NCKAP5: variants seen among roughly 807,000 people sequenced by gnomAD.
NCKAP5 encodes NCK associated protein 5, also known as nck-associated protein 5.
NCKAP5 carries 92 observed loss-of-function variants against 167.0 expected under a neutral mutation model. The observed-to-expected ratio is 0.55, with a 90% CI of 0.47 to 0.66. NCKAP5 has a LOEUF of 0.66. Among genes scored for constraint, NCKAP5 ranks in the 30% least tolerant of loss-of-function variants. The pLI is 0.00. For missense variants in NCKAP5, 2,378 were observed against 2,315.0 expected (o/e 1.03, Z -0.56); for synonymous variants, 891 against 877.4 (o/e 1.02, Z -0.27).
chr2:132,901,461 A>C (rs1693623698), intron 8 of NCKAP5, among the ~76,000 whole-genome samples: 1 of 152,200 alleles, frequency 6.6e-6, no homozygotes, highest in South Asian at 2.1e-4. Flanking sequence ...ACCCGAGGAG[A>C]CACTGCTCAC....
chr2:132,765,466 C>T (rs996790319), intron 16 of NCKAP5, among the ~76,000 whole-genome samples: 1 of 152,012 alleles, frequency 6.6e-6, no homozygotes, highest in Non-Finnish European at 1.5e-5. Flanking sequence ...AGGCGCGTGG[C>T]ACCACGCGCA....
chr2:133,611,675 G>A, the NCKAP5 span, among the ~76,000 whole-genome samples: 560 of 152,236 alleles, frequency 3.7e-3, 3 homozygotes, highest in African/African-American at 0.013. Context: ...AGGCTGGGTG[G>A]GGTGTGGCAA....
chr2:133,270,511 G>T (rs1040597340), intron 4 of NCKAP5, among the ~76,000 whole-genome samples: 1 of 152,070 alleles, frequency 6.6e-6, no homozygotes, highest in Non-Finnish European at 1.5e-5. Flanking sequence ...AGGTGAATAG[G>T]GTCTGGAGGC....
intron 8 of NCKAP5, among the ~76,000 whole-genome samples, chr2:132,955,026 T>C (rs1311746911): frequency 1.3e-5 from 2 of 152,220 alleles, no homozygotes; most frequent in Non-Finnish European, 2.9e-5. Flanking sequence ...ATGTCTGGTG[T>C]TACCTGTCAG....
chr2:133,307,212 T>C (rs1216661960), intron 3 of NCKAP5, among the ~76,000 whole-genome samples: 2 of 152,092 alleles, frequency 1.3e-5, no homozygotes, highest in Admixed American at 1.3e-4. Flanking sequence ...CATACAGTCC[T>C]GAGGAGGATA....
chr2:132,751,244 G>T (rs1297781123), intron 16 of NCKAP5, among the ~76,000 whole-genome samples: 1 of 151,906 alleles, frequency 6.6e-6, no homozygotes, highest in Non-Finnish European at 1.5e-5. Context: ...CCAAAAGCTG[G>T]TTGTTAAAAA....
At chr2:133,001,225 T>G (rs1035133829) in intron 6 of NCKAP5, among the ~76,000 whole-genome samples, 1 of 151,224 alleles carries the variant, frequency 6.6e-6, no homozygotes, top group Non-Finnish European at 1.5e-5. Context: ...CTTTTTTTTT[T>G]TTTTTTTTTG....
At chr2:133,371,292 T>A (rs1685790581) in intron 3 of NCKAP5, among the ~76,000 whole-genome samples, 1 of 152,080 alleles carries the variant, frequency 6.6e-6, no homozygotes, top group South Asian at 2.1e-4. Flanking sequence ...TAGAAAAGAA[T>A]CTCCATACTC....
chr2:133,335,404 C>T (rs144643248), intron 3 of NCKAP5, among the ~76,000 whole-genome samples: 1 of 152,224 alleles, frequency 6.6e-6, no homozygotes, highest in East Asian at 1.9e-4. Flanking sequence ...GCTGGGTGTA[C>T]CTTTTGCTTT....
chr2:132,703,982 T>G (rs1314419213), intron 19 of NCKAP5, among the ~76,000 whole-genome samples: 31 of 152,272 alleles, frequency 2.0e-4, no homozygotes, highest in Non-Finnish European at 7.4e-5. Flanking sequence ...AAGTCACCCC[T>G]TAGTCACATC....
intron 7 of NCKAP5, among the ~76,000 whole-genome samples, chr2:132,980,122 T>C (rs2077089969): frequency 6.6e-6 from 1 of 151,910 alleles, no homozygotes; most frequent in East Asian, 1.9e-4. Flanking sequence ...CCCAGGTAGC[T>C]GGGACTACAG....
At chr2:133,040,888 T>C (rs987424766) in intron 6 of NCKAP5, among the ~76,000 whole-genome samples, 4 of 152,188 alleles carry the variant, frequency 2.6e-5, no homozygotes, top group Admixed American at 1.3e-4. Flanking sequence ...TTGCATGCAA[T>C]TTCTCTTCTT....
chr2:133,481,857 C>T (rs1680476558), intron 3 of NCKAP5, among the ~76,000 whole-genome samples: 1 of 152,096 alleles, frequency 6.6e-6, no homozygotes, highest in Non-Finnish European at 1.5e-5. Context: ...AGGTTGATTC[C>T]GTGTCTTTGC....
intron 3 of NCKAP5, among the ~76,000 whole-genome samples, chr2:133,416,511 G>T (rs1274983276): frequency 6.6e-6 from 1 of 152,128 alleles, no homozygotes; most frequent in Admixed American, 6.5e-5. Context: ...TTGTAAAAAG[G>T]ATCACAGCAA....
intron 3 of NCKAP5, among the ~76,000 whole-genome samples, chr2:133,384,784 T>C (rs1205665221): frequency 6.6e-6 from 1 of 152,176 alleles, no homozygotes; most frequent in Non-Finnish European, 1.5e-5. Context: ...TAAGTTGGAT[T>C]CCTAGGTATT....
At chr2:132,814,057 T>G (rs1390925961) in intron 11 of NCKAP5, among the ~76,000 whole-genome samples, 2 of 152,206 alleles carry the variant, frequency 1.3e-5, no homozygotes, top group African/African-American at 4.8e-5. Flanking sequence ...TCCCATTCAT[T>G]TTACAACATT....
chr2:133,027,670 T>C (rs1383782512), intron 6 of NCKAP5, among the ~76,000 whole-genome samples: 1 of 152,208 alleles, frequency 6.6e-6, no homozygotes, highest in Non-Finnish European at 1.5e-5. Flanking sequence ...CCTTCCAGTT[T>C]GAAACTTCTG....
chr2:133,635,268 A>C, the NCKAP5 span, among the ~76,000 whole-genome samples: 1 of 152,224 alleles, frequency 6.6e-6, no homozygotes, highest in African/African-American at 2.4e-5. Context: ...TGATGTAATC[A>C]TGCAGTCTAT....
intron 16 of NCKAP5, among the ~76,000 whole-genome samples, chr2:132,769,059 T>C (rs10164860): frequency 0.28 from 42,587 of 150,796 alleles, 6,185 homozygotes; most frequent in African/African-American, 0.33. Flanking sequence ...ATTCTACTGC[T>C]TCAGCATCCC....
Sources: gnomAD v4.1 joint callset for allele counts (sites outside exome capture counted in the v4.1 genomes callset) on GRCh38, gnomAD v4.1.1 for gene constraint, MANE v1.5 for transcripts, NCBI Gene and HGNC (gene_info 2026-07-23, HGNC 2026-07-21) for gene names.